The following NRXN3 variants were observed in gnomAD, a reference collection of about 807,000 sequenced individuals.
NRXN3 encodes the protein neurexin 3.
NRXN3 carries 32 observed loss-of-function variants against 137.6 expected under a neutral mutation model. The observed-to-expected ratio is 0.23, with a 90% CI of 0.18 to 0.31. The LOEUF is 0.31. Ranked by LOEUF, NRXN3 falls within the 10% of genes least tolerant of loss-of-function variation. The pLI is 1.00. For synonymous variants in NRXN3, 798 were observed against 784.5 expected (o/e 1.02, Z -0.29); for missense variants, 1,574 against 2,062.5 (o/e 0.76, Z 4.59).
intron 2 of NRXN3, among the ~76,000 whole-genome samples, chr14:78,255,464 G>T (rs2069406743): frequency 6.6e-6 from 1 of 152,204 alleles, no homozygotes; most frequent in South Asian, 2.1e-4. Context: ...TGAGTTTTCA[G>T]CCTTGTGTTA....
chr14:78,678,595 C>T (rs75441040), intron 6 of NRXN3, among the ~76,000 whole-genome samples: 1,614 of 152,246 alleles, frequency 0.011, 30 homozygotes, highest in African/African-American at 0.037. Flanking sequence ...TACAAATTCA[C>T]ACTCCCACCA....
At chr14:78,791,897 T>C (rs1368777328) in intron 8 of NRXN3, among the ~76,000 whole-genome samples, 2 of 151,976 alleles carry the variant, frequency 1.3e-5, no homozygotes, top group Non-Finnish European at 2.9e-5. Context: ...GAACTCAAAA[T>C]ATTACACAAT....
intron 15 of NRXN3, among the ~76,000 whole-genome samples, chr14:79,207,114 T>G (rs912017280): frequency 6.6e-6 from 1 of 152,174 alleles, no homozygotes; most frequent in Admixed American, 6.6e-5. Context: ...TGAAAGTATT[T>G]TCACCTGCCA....
intron 19 of NRXN3, among the ~76,000 whole-genome samples, chr14:79,728,741 T>C (rs933474968): frequency 1.3e-4 from 20 of 152,174 alleles, no homozygotes; most frequent in African/African-American, 4.8e-4. Context: ...AAGACTGATA[T>C]TGTCGGGAGT....
chr14:78,457,339 C>A (rs2094774014), intron 4 of NRXN3, among the ~76,000 whole-genome samples: 1 of 152,134 alleles, frequency 6.6e-6, no homozygotes, highest in Admixed American at 6.6e-5. Flanking sequence ...GCCAGGATTA[C>A]TTCTTGATGG....
At chr14:78,276,813 A>G (rs940000512) in intron 2 of NRXN3, among the ~76,000 whole-genome samples, 3 of 152,232 alleles carry the variant, frequency 2.0e-5, no homozygotes, top group Non-Finnish European at 4.4e-5. Flanking sequence ...AATGGTGTTG[A>G]CATTCTTCTG....
At position 78,949,603 on chromosome 14, in the gene NRXN3, TAA is replaced by T. The variant is rs33998097; in HGVS notation, c.2276-7631_2276-7630del. 9.1e-3 allele frequency among the ~76,000 whole-genome samples: 1,253 copies of T among 138,014 alleles called. 19 individuals are homozygous for T. Among genetic ancestry groups the T allele is most frequent in the African/African-American group, 0.024 (796 of 33,354 alleles). The allele number at this position is 138,014 out of a possible 152,430, so 90.5% of individuals were successfully genotyped here. A position where few individuals can be genotyped will look rare whatever the true frequency, so the allele number is the denominator to read the frequency against. On this transcript the variant is annotated intron_variant, in intron 10 of 20. Coordinates refer to ENST00000335750, the MANE Select transcript of NRXN3 (RefSeq NM_001330195.2). ...GGGCATAGAAGTGAATTTTTTTTTT[TAA>T]AAAAAAACTACAATACAAGGAATAG...
At chr14:79,321,281 TA>T (rs1218192265) in intron 15 of NRXN3, among the ~76,000 whole-genome samples, 1 of 151,948 alleles carries the variant, frequency 6.6e-6, no homozygotes, top group Non-Finnish European at 1.5e-5. Context: ...AGTCAAAAGG[TA>T]AAATCAGTGT....
chr14:79,820,959 T>C lies in NRXN3; in HGVS notation c.4093+15769T>C, dbSNP rs534910595. ...TTTCTACATTAGCAGGGCCCCCTGGTGTGGTTTTGTGCCTGGAGATGTAAG... is the reference window on the plus strand; with the variant it reads ...TTTCTACATTAGCAGGGCCCCCTGGCGTGGTTTTGTGCCTGGAGATGTAAG... On this transcript the variant is annotated intron_variant, in intron 20 of 20. Transcript: ENST00000335750. 3.9e-5 allele frequency among the ~76,000 whole-genome samples: 6 copies of C among 152,144 alleles called. No homozygotes were observed. The East Asian group carries it at 1.2e-3, about 29-fold the overall frequency.
At chr14:78,887,299 T>C (rs2099146399) in intron 10 of NRXN3, among the ~76,000 whole-genome samples, 1 of 152,104 alleles carries the variant, frequency 6.6e-6, no homozygotes. Flanking sequence ...TTGACTGAGC[T>C]CAAAGCTTGT....
intron 10 of NRXN3, among the ~76,000 whole-genome samples, chr14:78,812,877 T>A (rs1400628672): frequency 1.3e-5 from 2 of 152,308 alleles, no homozygotes; most frequent in Admixed American, 1.3e-4. Context: ...AAATTTAATA[T>A]CAGAGAAATA....
At chr14:79,513,893 TA>T (rs2096956721) in intron 16 of NRXN3, among the ~76,000 whole-genome samples, 1 of 152,212 alleles carries the variant, frequency 6.6e-6, no homozygotes, top group Admixed American at 6.5e-5. Context: ...GGGACATTTA[TA>T]AGTTTAATGT....
At chr14:79,224,109 C>G (rs2070357032) in intron 15 of NRXN3, among the ~76,000 whole-genome samples, 1 of 152,006 alleles carries the variant, frequency 6.6e-6, no homozygotes, top group African/African-American at 2.4e-5. Context: ...ATCACTATGC[C>G]CTTTTCAATT....
intron 15 of NRXN3, among the ~76,000 whole-genome samples, chr14:79,449,297 G>A (rs142367443): frequency 3.9e-4 from 59 of 152,204 alleles, no homozygotes; most frequent in African/African-American, 1.2e-3. Context: ...ATGCCCCTTC[G>A]AATCCCTTCG....
intron 16 of NRXN3, among the ~76,000 whole-genome samples, chr14:79,514,426 A>C (rs2096962824): frequency 6.6e-6 from 1 of 152,276 alleles, no homozygotes; most frequent in Admixed American, 6.5e-5. Flanking sequence ...CTGCAAAAGT[A>C]ACATCATTGG....
At chr14:78,352,366 C>G in intron 4 of NRXN3, among the ~76,000 whole-genome samples, 1 of 152,290 alleles carries the variant, frequency 6.6e-6, no homozygotes, top group South Asian at 2.1e-4. Context: ...TGGAAGGTCT[C>G]TTTCCTGGCT....
At chr14:79,477,875 C>A (rs2096573741) in intron 16 of NRXN3, among the ~76,000 whole-genome samples, 1 of 151,930 alleles carries the variant, frequency 6.6e-6, no homozygotes, top group Admixed American at 6.6e-5. Context: ...AAGGAGAGAA[C>A]TGAGAAATGT....
chr14:79,565,347 G>GTGTATATGTATA lies in NRXN3; in HGVS notation c.3444+97945_3444+97946insTGTATATGTATA, dbSNP rs1491496752. On this transcript the variant is annotated intron_variant, in intron 16 of 20. Transcript: ENST00000335750. ...TGTGTATATATATATACATATGTGTGCGTATATGTATACACACACACATAT... is the reference window on the plus strand; with the variant it reads ...TGTGTATATATATATACATATGTGTGTGTATATGTATACGTATATGTATACACACACACATAT... Among the ~76,000 whole-genome samples, 38 of 146,718 alleles carry GTGTATATGTATA rather than the reference G, an allele frequency of 2.6e-4. 2 individuals are homozygous for GTGTATATGTATA. Among genetic ancestry groups the GTGTATATGTATA allele is most frequent in the Non-Finnish European group, 3.5e-4 (23 of 66,294 alleles).
At chr14:79,474,447 G>A (rs1225558518) in intron 16 of NRXN3, among the ~76,000 whole-genome samples, 1 of 151,984 alleles carries the variant, frequency 6.6e-6, no homozygotes, top group Non-Finnish European at 1.5e-5. Flanking sequence ...TTTAATTTCT[G>A]TTTCATCTGA....
Sources: gnomAD v4.1 joint callset for allele counts (sites outside exome capture counted in the v4.1 genomes callset) on GRCh38, gnomAD v4.1.1 for gene constraint, MANE v1.5 for transcripts, NCBI Gene and HGNC (gene_info 2026-07-23, HGNC 2026-07-21) for gene names.